Variants in CRYBA4 observed in about 807,000 individuals in gnomAD.
The protein encoded by CRYBA4 is beta-crystallin A4.
In CRYBA4, 30 loss-of-function variants were observed where a neutral mutation model predicts 31.7. That is an observed-to-expected ratio of 0.95 (90% CI 0.71 to 1.28). The LOEUF is 1.28. Among genes scored for constraint, CRYBA4 ranks in the 50% most tolerant of loss-of-function variants. CRYBA4 has a pLI of 0.00. For missense variants in CRYBA4, 225 were observed against 260.7 expected (o/e 0.86, Z 0.94); for synonymous variants, 102 against 102.3 (o/e 1.00, Z 0.02).
At chr22:26,596,925 T>C in the CRYBA4 span, among the ~76,000 whole-genome samples, 2 of 152,336 alleles carry the variant, frequency 1.3e-5, no homozygotes, top group South Asian at 2.1e-4. Flanking sequence ...GGATGCAATT[T>C]GCCTAGTTCT....
chr22:26,616,109 G>A, the CRYBA4 span: 1 of 1,585,200 alleles, frequency 6.3e-7, no homozygotes, highest in Non-Finnish European at 8.7e-7. Flanking sequence ...AGAAGGCATG[G>A]CACCCAGCCA....
Position 26,628,438 on chromosome 22 carries a change from T to C in CRYBA4, c.443+8T>C. ...CCACGTCCACTCTGGGGCGTAAGTG[T>C]ATTCAAGGCTCTACCTGGCAGGGGA... On this transcript the variant is annotated splice_region_variant and intron_variant, in intron 5 of 5. Transcript: ENST00000354760. The C allele has an allele frequency of 6.2e-7, 1 of 1,613,658 alleles. No individual in the cohort carries two copies. Among genetic ancestry groups the C allele is most frequent in the East Asian group, 2.2e-5 (1 of 44,856 alleles).
intron 2 of CRYBA4, among the ~76,000 whole-genome samples, chr22:26,622,907 T>C (rs1929577082): frequency 6.6e-6 from 1 of 152,232 alleles, no homozygotes; most frequent in South Asian, 2.1e-4. Flanking sequence ...GTTTGTTTTA[T>C]AAAGCTTTTG....
intron 4 of CRYBA4, among the ~76,000 whole-genome samples, chr22:26,628,050 A>G (rs1929805966): frequency 6.6e-6 from 1 of 152,084 alleles, no homozygotes; most frequent in African/African-American, 2.4e-5. Context: ...TTTGTTTTTG[A>G]AAAAACTGTT....
intron 4 of CRYBA4, among the ~76,000 whole-genome samples, chr22:26,627,488 T>TTTTCTTTC (rs201917169): frequency 0.042 from 3,411 of 81,530 alleles, 147 homozygotes; most frequent in Non-Finnish European, 0.05. Flanking sequence ...CTTTCTTTCC[T>TTTTCTTTC]TTTCTTTCTT....
At chr22:26,601,923 G>A in the CRYBA4 span, 50 of 1,612,726 alleles carry the variant, frequency 3.1e-5, no homozygotes, top group South Asian at 1.2e-4. Flanking sequence ...CACTGAAGCC[G>A]TAGACCCAGA....
chr22:26,597,119 G>A, the CRYBA4 span, among the ~76,000 whole-genome samples: 1 of 152,172 alleles, frequency 6.6e-6, no homozygotes, highest in African/African-American at 2.4e-5. Flanking sequence ...GTGAGGTGGT[G>A]TCTCAACTTT....
At chr22:26,596,918 TG>T in the CRYBA4 span, among the ~76,000 whole-genome samples, 1 of 152,226 alleles carries the variant, frequency 6.6e-6, no homozygotes, top group Non-Finnish European at 1.5e-5. Flanking sequence ...AGGGAATGGA[TG>T]CAATTTGCCT....
intron 5 of CRYBA4, 152 bp downstream of exon 5, chr22:26,628,582 T>G: frequency 1.1e-6 from 1 of 904,134 alleles, no homozygotes; most frequent in East Asian, 2.6e-5. Flanking sequence ...CAGGCAGAAT[T>G]TGAGGGACTG....
chr22:26,628,530 T>G (rs1162912462), intron 5 of CRYBA4, 100 bp downstream of exon 5: 2 of 1,400,424 alleles, frequency 1.4e-6, no homozygotes, highest in Non-Finnish European at 2.0e-6. Context: ...TGTGCTCTGA[T>G]GCCCACATTC....
upstream of CRYBA4, among the ~76,000 whole-genome samples, chr22:26,621,721 C>A (rs184722925): frequency 7.1e-4 from 108 of 152,286 alleles, no homozygotes; most frequent in African/African-American, 2.6e-3. Context: ...AGTCAGGAAC[C>A]TTGTGGGGCT....
chr22:26,599,793 G>A, the CRYBA4 span: 1 of 801,112 alleles, frequency 1.2e-6, no homozygotes, highest in Non-Finnish European at 2.1e-6. Context: ...TCTCACTTCT[G>A]TCCTGGCTAT....
At chr22:26,597,025 A>G in the CRYBA4 span, among the ~76,000 whole-genome samples, 1 of 152,192 alleles carries the variant, frequency 6.6e-6, no homozygotes, top group Non-Finnish European at 1.5e-5. Flanking sequence ...CCTGTCTTCT[A>G]GTCCAAGATG....
chr22:26,597,097 G>A, the CRYBA4 span, among the ~76,000 whole-genome samples: 1 of 152,314 alleles, frequency 6.6e-6, no homozygotes, highest in African/African-American at 2.4e-5. Flanking sequence ...AGTGAGACCT[G>A]TCCAAGATTA....
intron 5 of CRYBA4, 118 bp downstream of exon 5, chr22:26,628,548 G>C: frequency 8.3e-7 from 1 of 1,198,410 alleles, no homozygotes; most frequent in Non-Finnish European, 1.2e-6. Context: ...TTCCAGAGGA[G>C]AACACTGAGG....
At chr22:26,621,345 T>A (rs1010559529), upstream of CRYBA4, among the ~76,000 whole-genome samples, 4 of 152,200 alleles carry the variant, frequency 2.6e-5, no homozygotes, top group Admixed American at 1.3e-4. Flanking sequence ...GGCTACCAGC[T>A]CTTTCTTGTA....
the CRYBA4 span, among the ~76,000 whole-genome samples, chr22:26,603,705 A>G: frequency 1.3e-5 from 2 of 152,054 alleles, no homozygotes; most frequent in Non-Finnish European, 2.9e-5. Context: ...GGAGTTCGAG[A>G]CCAGCCTGAC....
chr22:26,607,902 C>T, the CRYBA4 span: 35 of 1,614,070 alleles, frequency 2.2e-5, no homozygotes, highest in Non-Finnish European at 5.9e-6. Flanking sequence ...TTTGATGGGC[C>T]GGAAGGACAT....
chr22:26,610,660 C>T, the CRYBA4 span, among the ~76,000 whole-genome samples: 5 of 152,110 alleles, frequency 3.3e-5, no homozygotes, highest in African/African-American at 9.7e-5. Context: ...CTAAATTCAC[C>T]GGGCAGGGAG....
Sources: allele counts gnomAD v4.1 joint callset (sites outside exome capture counted in the v4.1 genomes callset), GRCh38; gene constraint gnomAD v4.1.1; transcripts MANE v1.5; gene names NCBI Gene and HGNC (gene_info 2026-07-23, HGNC 2026-07-21).